PCDH11X: variants seen among roughly 807,000 people sequenced by gnomAD.
The protein encoded by PCDH11X is protocadherin 11 X-linked.
Under a neutral mutation model 53.3 loss-of-function variants are expected in PCDH11X, and 18 were observed. The observed-to-expected ratio is 0.34, with a 90% CI of 0.23 to 0.50. The LOEUF (loss-of-function observed/expected upper bound fraction) is 0.50. Ranked by LOEUF, PCDH11X falls within the 20% of genes least tolerant of loss-of-function variation. The pLI, the probability that PCDH11X is intolerant of heterozygous loss-of-function variation, is 0.98. For synonymous variants in PCDH11X, 279 were observed against 393.3 expected, an observed-to-expected ratio of 0.71 and a Z score of 3.44; for missense variants, 570 against 1,032.4, an observed-to-expected ratio of 0.55 and a Z score of 6.14.
intron 10 of PCDH11X, among the ~76,000 whole-genome samples, chrX:92,575,942 TATAC>T (rs1459574689): frequency 2.7e-3 from 64 of 23,428 alleles, no homozygotes; most frequent in African/African-American, 8.8e-3. Context: ...TATATATATA[TATAC>T]ACACACACAC....
At chrX:92,611,948 C>T (rs371349370) in intron 10 of PCDH11X, among the ~76,000 whole-genome samples, 37 of 103,508 alleles carry the variant, frequency 3.6e-4, no homozygotes, top group East Asian at 6.0e-4. Flanking sequence ...ACAGTCTTCA[C>T]GGTCAATTAA....
chrX:91,832,603 C>G (rs1254858267), intron 4 of PCDH11X, among the ~76,000 whole-genome samples: 46 of 105,834 alleles, frequency 4.3e-4, no homozygotes, highest in African/African-American at 1.5e-3. Flanking sequence ...TGTAACAAAC[C>G]TGCATGTTGT....
At chrX:92,605,782 T>C (rs113907790) in intron 10 of PCDH11X, among the ~76,000 whole-genome samples, 7,893 of 111,427 alleles carry the variant, frequency 0.071, 696 homozygotes, top group African/African-American at 0.24. Flanking sequence ...TCTTATCTTC[T>C]AAAAATTCTA....
intron 6 of PCDH11X, among the ~76,000 whole-genome samples, chrX:92,020,431 G>A (rs1028091196): frequency 4.8e-4 from 54 of 111,876 alleles, no homozygotes; most frequent in Non-Finnish European, 8.5e-4. Flanking sequence ...GGCAGACTGC[G>A]GCCAGAGCAC....
intron 5 of PCDH11X, among the ~76,000 whole-genome samples, chrX:91,844,590 G>GTT (rs755859016): frequency 9.8e-6 from 1 of 101,725 alleles, no homozygotes; most frequent in African/African-American, 3.5e-5. Context: ...AATCACGACT[G>GTT]TTTTTTTTTT....
chrX:91,825,642 C>T (rs1198604852), intron 4 of PCDH11X, among the ~76,000 whole-genome samples: 53 of 110,072 alleles, frequency 4.8e-4, no homozygotes, highest in African/African-American at 1.5e-3. Context: ...TCTTCTGCGT[C>T]GCTCAGGCTG....
At chrX:92,229,216 T>C (rs5984162) in intron 7 of PCDH11X, among the ~76,000 whole-genome samples, 3,511 of 110,920 alleles carry the variant, frequency 0.032, 143 homozygotes, top group African/African-American at 0.11. Flanking sequence ...GAATATTCTT[T>C]TGGGCTGCTA....
chrX:92,612,285 A>G (rs1927481044), intron 10 of PCDH11X, among the ~76,000 whole-genome samples: 1 of 110,537 alleles, frequency 9.0e-6, no homozygotes, highest in Admixed American at 9.6e-5. Context: ...AAAACTCAGC[A>G]TTGATCTGTT....
At chrX:91,961,849 C>T (rs1249353214) in intron 6 of PCDH11X, among the ~76,000 whole-genome samples, 1 of 109,702 alleles carries the variant, frequency 9.1e-6, no homozygotes, top group African/African-American at 3.3e-5. Flanking sequence ...GAAGCAAACA[C>T]ATCCTTCTTC....
chrX:92,276,975 G>T (rs1214031806), intron 8 of PCDH11X, among the ~76,000 whole-genome samples: 3 of 111,324 alleles, frequency 2.7e-5, no homozygotes, highest in Non-Finnish European at 5.6e-5. Flanking sequence ...AGAGTAAATT[G>T]CTGGGCAGGT....
chrX:92,438,213 G>A (rs2072432276), intron 9 of PCDH11X, among the ~76,000 whole-genome samples: 1 of 111,567 alleles, frequency 9.0e-6, no homozygotes, highest in South Asian at 3.7e-4. Context: ...CACGTATCCT[G>A]AATGATGTCT....
At chrX:92,012,694 A>C in intron 6 of PCDH11X, among the ~76,000 whole-genome samples, 1 of 111,436 alleles carries the variant, frequency 9.0e-6, no homozygotes, top group Non-Finnish European at 1.9e-5. Flanking sequence ...ACATGTCCAT[A>C]ATTCTATTGG....
At chrX:92,058,020 A>C (rs911829461) in intron 6 of PCDH11X, among the ~76,000 whole-genome samples, 29 of 98,270 alleles carry the variant, frequency 3.0e-4, no homozygotes, top group African/African-American at 1.1e-3. Context: ...TGGTTACTCA[A>C]GTCTTGGGAC....
At chrX:91,995,612 T>A (rs956835023) in intron 6 of PCDH11X, among the ~76,000 whole-genome samples, 3 of 111,572 alleles carry the variant, frequency 2.7e-5, no homozygotes, top group African/African-American at 9.8e-5. Context: ...ACTCAAGTAG[T>A]GTAATGCCTC....
At chrX:91,810,158 T>G (rs1936251086) in intron 2 of PCDH11X, among the ~76,000 whole-genome samples, 1 of 111,092 alleles carries the variant, frequency 9.0e-6, no homozygotes, top group Non-Finnish European at 1.9e-5. Flanking sequence ...TTCAAAAATT[T>G]TAATAGCTTA....
chrX:92,444,732 A>ATT (rs33957535), intron 9 of PCDH11X, among the ~76,000 whole-genome samples: 4 of 88,513 alleles, frequency 4.5e-5, no homozygotes, highest in Admixed American at 3.7e-4. Flanking sequence ...AGTCTGTTGG[A>ATT]TTTTTTTTTT....
At chrX:92,060,950 T>C (rs1168974474) in intron 6 of PCDH11X, among the ~76,000 whole-genome samples, 2 of 112,339 alleles carry the variant, frequency 1.8e-5, no homozygotes, top group African/African-American at 3.2e-5. Flanking sequence ...CCACCAGCAG[T>C]GTAAAAGTAT....
chrX:92,296,708 C>G (rs1281331742), intron 8 of PCDH11X, among the ~76,000 whole-genome samples: 1 of 100,131 alleles, frequency 1.0e-5, no homozygotes, highest in East Asian at 3.3e-4. Flanking sequence ...CAATGAACAT[C>G]CATGTGCATG....
At chrX:92,481,692 G>A (rs1244204724) in intron 10 of PCDH11X, among the ~76,000 whole-genome samples, 7 of 111,941 alleles carry the variant, frequency 6.3e-5, no homozygotes, top group African/African-American at 1.3e-4. Flanking sequence ...ATTAGAGCAA[G>A]TCAAGCCTGG....
Sources: gnomAD v4.1 joint callset for allele counts (sites outside exome capture counted in the v4.1 genomes callset) on GRCh38, gnomAD v4.1.1 for gene constraint, MANE v1.5 for transcripts, NCBI Gene and HGNC (gene_info 2026-07-23, HGNC 2026-07-21) for gene names.